Variants in IQSEC1 observed in about 807,000 individuals in gnomAD.
The protein encoded by IQSEC1 is IQ motif and SEC7 domain-containing protein 1.
A neutral mutation model predicts 91.0 loss-of-function variants in IQSEC1; 31 were observed. That is an observed-to-expected ratio of 0.34 (90% confidence interval 0.26 to 0.46). The LOEUF is 0.46. IQSEC1 is among the 20% of genes least tolerant of loss of function. The pLI is 1.00. For missense variants in IQSEC1, 1,388 were observed against 1,575.6 expected, an observed-to-expected ratio of 0.88 and a Z score of 2.02; for synonymous variants, 699 against 662.6, an observed-to-expected ratio of 1.05 and a Z score of -0.84.
At chr3:12,904,714 C>T (rs1206984139) in intron 12 of IQSEC1, among the ~76,000 whole-genome samples, 1 of 152,178 alleles carries the variant, frequency 6.6e-6, no homozygotes, top group Non-Finnish European at 1.5e-5. Context: ...CTAGCCTACC[C>T]CTAACGCCTG....
chr3:12,905,874 C>G (rs1694920734), intron 12 of IQSEC1, among the ~76,000 whole-genome samples: 1 of 152,238 alleles, frequency 6.6e-6, no homozygotes, highest in South Asian at 2.1e-4. Flanking sequence ...TGGCTGAACC[C>G]TGTTTCCACA....
Position 12,970,272 on chromosome 3 carries a change from CTCTA to C in IQSEC1, c.24-28411_24-28408del, listed in dbSNP as rs1268828892. Among the ~76,000 whole-genome samples, 4 of 152,170 alleles carry C rather than the reference CTCTA, an allele frequency of 2.6e-5. No individual in the cohort carries two copies. The highest frequency in any genetic ancestry group is 9.7e-5 in the African/African-American group (4 of 41,442). ...GCTTGTAATTCTGCCCCAGGAGAGG[CTCTA>C]ATGGGGGGACATTTTGGGTTGGACC... On this transcript the variant is annotated intron_variant, in intron 1 of 13. Coordinates refer to ENST00000613206, the MANE Select transcript of IQSEC1 (RefSeq NM_001134382.3). This position sits in a 1 kb window ranked among gnomAD's most constrained non-coding sequence, Gnocchi z 4.4.
chr3:13,139,442 C>T (rs1334893818), intron 2 of IQSEC1, among the ~76,000 whole-genome samples: 2 of 152,230 alleles, frequency 1.3e-5, no homozygotes, highest in Non-Finnish European at 2.9e-5. Flanking sequence ...AAACCACACT[C>T]CTGGGTGGAC....
At chr3:12,950,505 A>G (rs978258599) in intron 1 of IQSEC1, among the ~76,000 whole-genome samples, 4 of 152,104 alleles carry the variant, frequency 2.6e-5, no homozygotes, top group Non-Finnish European at 4.4e-5. Flanking sequence ...TGTCTCCACA[A>G]AACATTTTTT....
At chr3:13,068,834 G>T (rs1485706352) in intron 1 of IQSEC1, among the ~76,000 whole-genome samples, 4 of 152,310 alleles carry the variant, frequency 2.6e-5, no homozygotes, top group African/African-American at 9.6e-5. Flanking sequence ...TTCCTGAGTG[G>T]CCACACAGTT....
rs908422031 is a variant in IQSEC1, at chr3:12,899,549, C to T, written c.*1434G>A. The T allele has an allele frequency of 3.3e-6, 5 of 1,506,456 alleles. No homozygotes were observed. Among genetic ancestry groups the T allele is most frequent in the Non-Finnish European group, 3.6e-6 (4 of 1,118,034 alleles). 93.3% of individuals were successfully genotyped at this position (1,506,456 alleles called of 1,614,324 possible). A position where few individuals can be genotyped will look rare whatever the true frequency, so the allele number is the denominator to read the frequency against. ...AAGCGACAAGAGCACAGCTGAGAGT[C>T]ATGTGATGCCCTGGCAGCTCACTGG... On this transcript the variant is annotated 3_prime_UTR_variant, in exon 14 of 14. Coordinates refer to ENST00000613206, the MANE Select transcript of IQSEC1 (RefSeq NM_001134382.3).
chr3:13,188,638 C>A (rs1693971432), intron 1 of IQSEC1, among the ~76,000 whole-genome samples: 1 of 152,232 alleles, frequency 6.6e-6, no homozygotes, highest in Non-Finnish European at 1.5e-5. Flanking sequence ...ATGCTCTAAA[C>A]TACCATGTGG....
At chr3:12,941,541 T>G (rs370077278) in intron 2 of IQSEC1, 30 bp downstream of exon 2, 5 of 1,520,018 alleles carry the variant, frequency 3.3e-6, no homozygotes, top group African/African-American at 1.4e-5. Flanking sequence ...TGCGCTTGCA[T>G]GTGTGGCCTG....
intron 2 of IQSEC1, 78 bp downstream of exon 2, chr3:12,941,493 A>T: frequency 7.3e-7 from 1 of 1,377,222 alleles, no homozygotes; most frequent in Non-Finnish European, 9.8e-7. Flanking sequence ...ATCTGCCACC[A>T]TGCCTGGTGG....
intron 3 of IQSEC1, among the ~76,000 whole-genome samples, chr3:12,928,038 G>A (rs1460952563): frequency 6.6e-6 from 1 of 152,230 alleles, no homozygotes; most frequent in East Asian, 1.9e-4. Context: ...AGGTCAAGAG[G>A]GTGGTGATGG....
At position 13,227,465 on chromosome 3, in the gene IQSEC1, G is replaced by T. The variant is rs141500914; in HGVS notation, c.272+55246C>A. On this transcript the variant is annotated intron_variant, in intron 1 of 15. Transcript: ENST00000648114. ...CCTCTCGTAGCTCATGTTCTAGTGG[G>T]GACACTGGAGGGGCAAGAGGAAGTG... 5.0e-3 allele frequency among the ~76,000 whole-genome samples: 757 copies of T among 152,156 alleles called. 6 individuals carry two copies. Among genetic ancestry groups the T allele is most frequent in the African/African-American group, 0.017 (725 of 41,486 alleles).
chr3:12,967,719 T>G lies in IQSEC1; in HGVS notation c.24-25854A>C, dbSNP rs1262936260. On this transcript the variant is annotated intron_variant, in intron 1 of 13. Coordinates refer to ENST00000613206, the MANE Select transcript of IQSEC1 (RefSeq NM_001134382.3). The surrounding 1 kb of genome is among the most constrained non-coding windows in gnomAD (Gnocchi z 5.9). ...AGCGCGAGGCCGGGCCGGAGGAATG[T>G]GGCCCTGAAGTGGGCGGGGCAGGGC... The G allele has an allele frequency of 1.4e-5, 15 of 1,095,656 alleles. No individual in the cohort carries two copies. Among genetic ancestry groups the G allele is most frequent in the Non-Finnish European group, 1.4e-5 (13 of 903,524 alleles). The allele number at this position is 1,095,656 out of a possible 1,614,324, so 67.9% of individuals were successfully genotyped here.
chr3:13,104,788 C>T (rs756190021), intron 2 of IQSEC1, among the ~76,000 whole-genome samples: 19 of 152,320 alleles, frequency 1.2e-4, no homozygotes, highest in Non-Finnish European at 1.8e-4. Context: ...TGGCCCCTGA[C>T]CCATGTGAGG....
At chr3:12,944,531 C>G (rs1050695871) in intron 1 of IQSEC1, among the ~76,000 whole-genome samples, 6 of 152,136 alleles carry the variant, frequency 3.9e-5, no homozygotes, top group Non-Finnish European at 8.8e-5. Context: ...GCCCACGCCT[C>G]TGCTCCAGGC....
At chr3:13,192,479 G>A (rs1358159314) in intron 1 of IQSEC1, among the ~76,000 whole-genome samples, 3 of 152,226 alleles carry the variant, frequency 2.0e-5, no homozygotes, top group African/African-American at 4.8e-5. Flanking sequence ...AGAGATGCAC[G>A]CAGGGACGGA....
At chr3:13,133,312 C>T (rs1706652171) in intron 2 of IQSEC1, among the ~76,000 whole-genome samples, 1 of 152,224 alleles carries the variant, frequency 6.6e-6, no homozygotes, top group Admixed American at 6.5e-5. Flanking sequence ...TCTTGGTTCT[C>T]TTAGCAGGGA....
chr3:12,987,724 C>A (rs774167585), intron 1 of IQSEC1, among the ~76,000 whole-genome samples: 15 of 152,088 alleles, frequency 9.9e-5, no homozygotes, highest in Non-Finnish European at 1.9e-4. Context: ...CTGTAGCACC[C>A]AAAGAAGCCT....
intron 3 of IQSEC1, among the ~76,000 whole-genome samples, chr3:12,928,245 G>A (rs1195881581): frequency 1.3e-5 from 2 of 152,094 alleles, no homozygotes; most frequent in African/African-American, 4.8e-5. Context: ...CGAGGTGGGG[G>A]CGGTGGAGGT....
At chr3:13,045,863 C>T (rs981528157) in intron 1 of IQSEC1, among the ~76,000 whole-genome samples, 1 of 152,254 alleles carries the variant, frequency 6.6e-6, no homozygotes, top group African/African-American at 2.4e-5. Context: ...GCCATCCCAT[C>T]AGGGGTGAGA....
Sources: allele counts gnomAD v4.1 joint callset (sites outside exome capture counted in the v4.1 genomes callset), GRCh38; gene constraint gnomAD v4.1.1; non-coding constraint Gnocchi (gnomAD v3.1); transcripts MANE v1.5; gene names NCBI Gene and HGNC (gene_info 2026-07-23, HGNC 2026-07-21).